Variants in MTA3 observed in about 807,000 individuals in gnomAD.
MTA3 encodes metastasis associated 1 family member 3.
Under a neutral mutation model 83.5 loss-of-function variants are expected in MTA3, and 34 were observed. The ratio of observed to expected loss-of-function variants is 0.41; its 90% confidence interval spans 0.31 to 0.54. The LOEUF (loss-of-function observed/expected upper bound fraction) is 0.54, where lower values mean the gene tolerates loss of function less well. Among genes scored for constraint, MTA3 ranks in the 20% least tolerant of loss-of-function variants. The pLI, the probability that MTA3 is intolerant of heterozygous loss-of-function variation, is 0.33. For missense variants in MTA3, 761 were observed against 726.4 expected, an observed-to-expected ratio of 1.05 and a Z score of -0.55; for synonymous variants, 303 against 252.7, an observed-to-expected ratio of 1.20 and a Z score of -1.89.
At chr2:42,494,368 C>T (rs1330204899), upstream of MTA3, among the ~76,000 whole-genome samples, 1 of 150,616 alleles carries the variant, frequency 6.6e-6, no homozygotes, top group Admixed American at 6.6e-5. Context: ...AGTGTGGACT[C>T]GGGTGCGGGG....
chr2:42,673,655 G>A (rs544573010), intron 8 of MTA3, among the ~76,000 whole-genome samples: 5 of 152,280 alleles, frequency 3.3e-5, no homozygotes, highest in African/African-American at 9.6e-5. Context: ...GGAATAAAAG[G>A]CAAGGAGGCA....
intron 11 of MTA3, among the ~76,000 whole-genome samples, chr2:42,699,614 T>A (rs1006625700): frequency 3.9e-5 from 6 of 152,152 alleles, no homozygotes; most frequent in Non-Finnish European, 8.8e-5. Flanking sequence ...GCGTGATATT[T>A]GGAGGTGACT....
At chr2:42,616,397 A>T (rs1573303289) in intron 4 of MTA3, among the ~76,000 whole-genome samples, 1 of 143,140 alleles carries the variant, frequency 7.0e-6, no homozygotes, top group African/African-American at 2.6e-5. Flanking sequence ...ATTTTAGATT[A>T]TAAGATTCTT....
At chr2:42,714,943 C>T (rs1313009283) in intron 14 of MTA3, among the ~76,000 whole-genome samples, 1 of 152,214 alleles carries the variant, frequency 6.6e-6, no homozygotes, top group African/African-American at 2.4e-5. Context: ...CTTGCTACCA[C>T]TAGTACTGGT....
chr2:42,681,632 C>T lies in MTA3; in HGVS notation c.703-769C>T, dbSNP rs554897743. 1.1e-4 allele frequency among the ~76,000 whole-genome samples: 17 copies of T among 152,302 alleles called. No individual in the cohort carries two copies. The East Asian group carries it at 3.3e-3, about 29-fold the overall frequency. On this transcript the variant is annotated intron_variant, in intron 8 of 16. Coordinates refer to ENST00000405094, the MANE Select transcript of MTA3 (RefSeq NM_001330442.2). Reference sequence around the variant, plus strand: ...GGCTCAAGCATTCCTCCCACCCCAGCCTCCCAAGTAGTTGGGACTGTAGGC... The same window carrying T: ...GGCTCAAGCATTCCTCCCACCCCAGTCTCCCAAGTAGTTGGGACTGTAGGC...
intron 3 of MTA3, among the ~76,000 whole-genome samples, chr2:42,580,053 C>T (rs1435309110): frequency 2.0e-5 from 3 of 152,126 alleles, no homozygotes; most frequent in Non-Finnish European, 4.4e-5. Context: ...AAGCAATACC[C>T]CCACCTCAGC....
intron 2 of MTA3, among the ~76,000 whole-genome samples, chr2:42,528,084 C>T (rs1378710541): frequency 6.6e-6 from 1 of 151,988 alleles, no homozygotes; most frequent in African/African-American, 2.4e-5. Context: ...GCCACCATGC[C>T]CAGCTAATTT....
chr2:42,697,641 A>G lies in MTA3; in HGVS notation c.967-135A>G, dbSNP rs1333061889. On this transcript the variant is annotated intron_variant, in intron 10 of 16. Coordinates refer to ENST00000405094, the MANE Select transcript of MTA3 (RefSeq NM_001330442.2). ...ACATTATTGCAGTTTAAGAATATGC[A>G]TATGAAAGAAAAGCTTAAGATGGTA... The G allele has an allele frequency of 1.3e-5, 8 of 610,470 alleles. No homozygotes were observed. In the African/African-American group the frequency reaches 1.4e-4, roughly 10 times the overall value. 37.8% of individuals were successfully genotyped at this position (610,470 alleles called of 1,614,324 possible). A position where few individuals can be genotyped will look rare whatever the true frequency, so the allele number is the denominator to read the frequency against.
Position 42,634,716 on chromosome 2 carries a change from A to G in MTA3, c.318-5457A>G, listed in dbSNP as rs775092222. 3.3e-4 allele frequency among the ~76,000 whole-genome samples: 50 copies of G among 151,998 alleles called. 1 individual carries two copies. Among genetic ancestry groups the G allele is most frequent in the Non-Finnish European group, 6.9e-4 (47 of 67,996 alleles). On this transcript the variant is annotated intron_variant, in intron 4 of 16. Coordinates refer to ENST00000405094, the MANE Select transcript of MTA3 (RefSeq NM_001330442.2). ...TGGATATGGCTGTCTAATAATATCC[A>G]AGGCAGTCATTTGCTTGGTTCCAAC...
intron 3 of MTA3, among the ~76,000 whole-genome samples, chr2:42,579,848 C>T (rs1679425000): frequency 6.6e-6 from 1 of 151,878 alleles, no homozygotes; most frequent in African/African-American, 2.4e-5. Flanking sequence ...CTGGGCCTGG[C>T]CTATTGGTGG....
At chr2:42,617,825 A>C (rs896163111) in intron 4 of MTA3, among the ~76,000 whole-genome samples, 1 of 152,086 alleles carries the variant, frequency 6.6e-6, no homozygotes, top group Non-Finnish European at 1.5e-5. Context: ...ACATTTGGAC[A>C]TCAGATAGAG....
At chr2:42,718,468 A>T (rs1667181735) in intron 14 of MTA3, among the ~76,000 whole-genome samples, 1 of 149,664 alleles carries the variant, frequency 6.7e-6, no homozygotes, top group South Asian at 2.1e-4. Flanking sequence ...CTGGTCTTGA[A>T]CTCCTGGCCT....
intron 2 of MTA3, among the ~76,000 whole-genome samples, chr2:42,549,379 AAT>A (rs1244105241): frequency 8.3e-6 from 1 of 120,292 alleles, no homozygotes; most frequent in Non-Finnish European, 1.6e-5. Flanking sequence ...ACGTATATAA[AAT>A]ATATGTATAT....
chr2:42,560,218 C>T (rs995743849), intron 2 of MTA3, among the ~76,000 whole-genome samples: 1 of 152,072 alleles, frequency 6.6e-6, no homozygotes, highest in African/African-American at 2.4e-5. Context: ...GATGGGGTTT[C>T]ACCATTTTGG....
rs1271015030 is a variant in MTA3 at position 42,756,839 on chromosome 2, G to T, written c.*3440G>T. ...ACCTGTGCTCATGAGTGTTTCCGCA[G>T]GATAATTCGTTCTGAGCATGATACC... On this transcript the variant is annotated 3_prime_UTR_variant, in exon 17 of 17. Coordinates refer to ENST00000405094, the MANE Select transcript of MTA3 (RefSeq NM_001330442.2). 2.0e-6 allele frequency: 2 copies of T among 985,326 alleles called. No individual in the cohort carries two copies. The highest frequency in any genetic ancestry group is 2.4e-6 in the Non-Finnish European group (2 of 829,956). The allele number at this position is 985,326 out of a possible 1,614,324, so 61.0% of individuals were successfully genotyped here. A position where few individuals can be genotyped will look rare whatever the true frequency, so the allele number is the denominator to read the frequency against.
chr2:42,548,829 AAT>A (rs71327611), intron 2 of MTA3, among the ~76,000 whole-genome samples: 322 of 8,534 alleles, frequency 0.038, 43 homozygotes, highest in South Asian at 0.099. Flanking sequence ...ATATATATAT[AAT>A]ATATATATAT....
chr2:42,630,663 T>A (rs2104252552), intron 4 of MTA3, among the ~76,000 whole-genome samples: 1 of 152,292 alleles, frequency 6.6e-6, no homozygotes, highest in South Asian at 2.1e-4. Flanking sequence ...GGATTTTTGG[T>A]TTTTTTAGTC....
intron 4 of MTA3, among the ~76,000 whole-genome samples, chr2:42,616,395 TTA>T (rs1684890466): frequency 6.7e-6 from 1 of 149,756 alleles, no homozygotes; most frequent in East Asian, 2.0e-4. Context: ...TCATTTTAGA[TTA>T]TAAGATTCTT....
At chr2:42,736,098 A>G (rs1668590109) in intron 16 of MTA3, among the ~76,000 whole-genome samples, 1 of 152,160 alleles carries the variant, frequency 6.6e-6, no homozygotes, top group African/African-American at 2.4e-5. Context: ...CTTTCCAACT[A>G]TTAGAAGGGA....
Sources: gnomAD v4.1 joint callset for allele counts (sites outside exome capture counted in the v4.1 genomes callset) on GRCh38, gnomAD v4.1.1 for gene constraint, MANE v1.5 for transcripts, NCBI Gene and HGNC (gene_info 2026-07-23, HGNC 2026-07-21) for gene names.